ARID1B: variants seen among roughly 807,000 people sequenced by gnomAD.
ARID1B encodes AT-rich interactive domain-containing protein 1B.
ARID1B carries 30 observed loss-of-function variants against 212.3 expected under a neutral mutation model. The ratio of observed to expected loss-of-function variants is 0.14; its 90% CI spans 0.11 to 0.19. The LOEUF is 0.19. Ranked by LOEUF, ARID1B falls within the 10% of genes least tolerant of loss-of-function variation. The pLI is 1.00. For missense variants in ARID1B, 2,891 were observed against 3,204.0 expected (o/e 0.90, Z 2.36); for synonymous variants, 1,402 against 1,301.7 (o/e 1.08, Z -1.66).
rs1785457655 is a variant in ARID1B at position 157,094,125 on chromosome 6, A to G, written c.2491+9220A>G. On this transcript the variant is annotated intron_variant, in intron 5 of 19. Transcript: ENST00000636930. The surrounding 1 kb of genome is among the most constrained non-coding windows in gnomAD (Gnocchi z 4.3). ...CTGATATTTGAACAAGAGAAGTGAA[A>G]GAAGGGCAGGGGCAAGCCATGTGAG... Among the ~76,000 whole-genome samples the G allele has an allele frequency of 6.6e-6, 1 of 152,194 alleles. No individual in the cohort carries two copies. Among genetic ancestry groups the G allele is most frequent in the African/African-American group, 2.4e-5 (1 of 41,444 alleles).
In ARID1B at chr6:156,813,047, TACGTATGTATATACATATATATATAC is replaced by T. The variant is rs1419301395; in HGVS notation, c.1792-16177_1792-16152del. 7.1e-4 allele frequency among the ~76,000 whole-genome samples: 104 copies of T among 146,720 alleles called. 1 individual carries two copies. The highest frequency in any genetic ancestry group is 2.0e-3 in the African/African-American group (78 of 39,900). ...ATGTATATACATATATATATACACATACGTATGTATATACATATATATATACACACATACGTATGTATATACATACA... is the reference window on the plus strand; with the variant it reads ...ATGTATATACATATATATATACACATACACATACGTATGTATATACATACA... On this transcript the variant is annotated intron_variant, in intron 1 of 19. Coordinates refer to ENST00000636930, the MANE Select transcript of ARID1B (RefSeq NM_001374828.1).
chr6:157,201,257 A>G lies in ARID1B; in HGVS notation c.5032A>G (p.Ser1678Gly). The change falls in exon 18 of 20, where the codon AGC becomes GGC. Residue 1678 changes from serine to glycine, a missense_variant. Transcript: ENST00000636930. This position sits in a 1 kb window ranked among gnomAD's most constrained non-coding sequence, Gnocchi z 5.2. ...SLPNHISRAP[S>G]PASFQRSLEN... Reference sequence around the variant, plus strand: ...GCCAAATCACATCTCCAGGGCGCCCAGCCCAGCGTCCTTCCAGCGCTCCCT... The same window carrying G: ...GCCAAATCACATCTCCAGGGCGCCCGGCCCAGCGTCCTTCCAGCGCTCCCT... The G allele has an allele frequency of 6.2e-7, 1 of 1,614,118 alleles. No individual in the cohort carries two copies. The highest frequency in any genetic ancestry group is 1.1e-5 in the South Asian group (1 of 91,084).
intron 4 of ARID1B, among the ~76,000 whole-genome samples, chr6:157,018,235 G>A (rs377553716): frequency 1.1e-4 from 1 of 9,000 alleles, no homozygotes; most frequent in Non-Finnish European, 2.5e-4. Flanking sequence ...TTTTTTTTTT[G>A]AGATACAGTC....
intron 3 of ARID1B, among the ~76,000 whole-genome samples, chr6:156,915,649 A>T (rs1790290350): frequency 6.6e-6 from 1 of 151,268 alleles, no homozygotes; most frequent in Non-Finnish European, 1.5e-5. Flanking sequence ...AAATCCCAGC[A>T]CTTTGGGAGG....
At chr6:156,835,699 A>G (rs1282792489) in intron 2 of ARID1B, among the ~76,000 whole-genome samples, 1 of 152,096 alleles carries the variant, frequency 6.6e-6, no homozygotes, top group African/African-American at 2.4e-5. Context: ...AATATCTGTA[A>G]GGTTTTCTAT....
chr6:157,122,035 A>C (rs1787759342), intron 6 of ARID1B, among the ~76,000 whole-genome samples: 1 of 152,224 alleles, frequency 6.6e-6, no homozygotes, highest in Non-Finnish European at 1.5e-5. Context: ...TTATCTAAGA[A>C]TAACACAGGG....
rs188750395 is a variant in ARID1B, at chr6:157,143,962, A to G, written c.2762-4662A>G. The stretch of plus-strand genomic sequence containing the variant: ...TGGCCTAAGCGCCTTTCTAAGCACA[A>G]GTGCACACACGCGTGTCTTGGTGTG... On this transcript the variant is annotated intron_variant, in intron 7 of 19. Coordinates refer to ENST00000636930, the MANE Select transcript of ARID1B (RefSeq NM_001374828.1). Among the ~76,000 whole-genome samples, 279 of 152,352 alleles carry G rather than the reference A, an allele frequency of 1.8e-3. 2 individuals carry two copies. Among genetic ancestry groups the G allele is most frequent in the Non-Finnish European group, 4.4e-4 (30 of 68,038 alleles).
At chr6:156,908,575 G>A (rs780800410) in intron 3 of ARID1B, among the ~76,000 whole-genome samples, 3 of 148,076 alleles carry the variant, frequency 2.0e-5, no homozygotes, top group African/African-American at 5.0e-5. Context: ...CTTCCCCCCC[G>A]CCCCCACTCA....
chr6:156,894,609 T>C (rs932362670), intron 2 of ARID1B, among the ~76,000 whole-genome samples: 1 of 152,198 alleles, frequency 6.6e-6, no homozygotes, highest in African/African-American at 2.4e-5. Flanking sequence ...CTTGAATACG[T>C]CTCTGATAAG....
intron 4 of ARID1B, among the ~76,000 whole-genome samples, chr6:157,039,681 C>CTTT (rs2128518493): frequency 6.8e-5 from 6 of 88,646 alleles, no homozygotes; most frequent in South Asian, 3.1e-4. Flanking sequence ...TTCCTTCCTT[C>CTTT]CTTCCTTCCT....
intron 3 of ARID1B, among the ~76,000 whole-genome samples, chr6:156,922,224 G>A (rs1248335457): frequency 1.3e-5 from 2 of 150,370 alleles, no homozygotes; most frequent in African/African-American, 4.9e-5. Flanking sequence ...CCAGGCTGGA[G>A]TGCAGTGGTG....
At position 156,778,869 on chromosome 6, in the gene ARID1B, G is replaced by T; in HGVS notation, c.1189G>T (p.Gly397Cys). The T allele has an allele frequency of 7.2e-7, 1 of 1,392,658 alleles. No individual in the cohort carries two copies. 86.3% of individuals were successfully genotyped at this position (1,392,658 alleles called of 1,614,324 possible). A position where few individuals can be genotyped will look rare whatever the true frequency, so the allele number is the denominator to read the frequency against. The change falls in exon 1 of 20, where the codon GGC becomes TGC. Residue 397 changes from glycine to cysteine, a missense_variant. By Grantham distance (159) the Gly-to-Cys change is radical. Coordinates refer to ENST00000636930, the MANE Select transcript of ARID1B (RefSeq NM_001374828.1). ...CGCGGGCGGCGGCGGCGGCGGCGGC[G>T]GCGGAGGAGGAGGAGGCAGCGGAGG... ...PGAGGGGGGG[G>C]GGGGGSGGGG...
chr6:156,870,834 T>C (rs1786069567), intron 2 of ARID1B, among the ~76,000 whole-genome samples: 1 of 152,242 alleles, frequency 6.6e-6, no homozygotes, highest in South Asian at 2.1e-4. Context: ...CATTGGACTC[T>C]AGACTCAGAA....
intron 13 of ARID1B, among the ~76,000 whole-genome samples, chr6:157,186,973 C>T (rs140314569): frequency 5.9e-5 from 9 of 152,218 alleles, no homozygotes; most frequent in Admixed American, 2.0e-4. Context: ...CTGCACCCCA[C>T]ATATCACTGC....
intron 11 of ARID1B, chr6:157,175,707 C>T (rs552320878): frequency 6.6e-6 from 1 of 152,036 alleles, no homozygotes; most frequent in African/African-American, 2.4e-5. Context: ...AAAAATGTCA[C>T]GGATGTATCA....
chr6:156,831,355 G>A (rs1163153677), intron 2 of ARID1B, among the ~76,000 whole-genome samples: 1 of 152,216 alleles, frequency 6.6e-6, no homozygotes, highest in African/African-American at 2.4e-5. Flanking sequence ...GTGGATGCTC[G>A]CTGCTCTTGG....
intron 5 of ARID1B, among the ~76,000 whole-genome samples, chr6:157,109,286 T>G (rs1786723188): frequency 6.6e-6 from 1 of 152,198 alleles, no homozygotes; most frequent in South Asian, 2.1e-4. Context: ...ACACTAATTT[T>G]TTTCTTTATT....
chr6:156,925,299 T>C (rs79954014), intron 3 of ARID1B, among the ~76,000 whole-genome samples: 2,497 of 152,284 alleles, frequency 0.016, 62 homozygotes, highest in African/African-American at 0.056. Context: ...GACTGAGACT[T>C]ATCAGTAAGA....
chr6:157,191,942 C>T lies in ARID1B; in HGVS notation c.4231+1732C>T, dbSNP rs371289040. Among the ~76,000 whole-genome samples the T allele has an allele frequency of 8.5e-5, 13 of 152,164 alleles. 1 individual carries two copies. The highest frequency in any genetic ancestry group is 3.1e-4 in the African/African-American group (13 of 41,512). On this transcript the variant is annotated intron_variant, in intron 15 of 19. Transcript: ENST00000636930. ...TGTATTATAGACCAATGAAAAAGAA[C>T]AATGGAGAGTCTTTAAAATTTGAGT...
Sources: gnomAD v4.1 joint callset for allele counts (sites outside exome capture counted in the v4.1 genomes callset) on GRCh38, gnomAD v4.1.1 for gene constraint, Gnocchi (gnomAD v3.1) non-coding constraint, MANE v1.5 for transcripts, NCBI Gene and HGNC (gene_info 2026-07-23, HGNC 2026-07-21) for gene names.